ZBTB5: variants seen among roughly 807,000 people sequenced by gnomAD.
ZBTB5 encodes the protein zinc finger and BTB domain-containing protein 5.
In ZBTB5, 15 loss-of-function variants were observed where a neutral mutation model predicts 37.9. The observed-to-expected ratio is 0.40, with a 90% CI of 0.26 to 0.61. The LOEUF (loss-of-function observed/expected upper bound fraction) is 0.61. Among genes scored for constraint, ZBTB5 ranks in the 20% least tolerant of loss-of-function variants. ZBTB5 has a pLI of 0.47. For synonymous variants in ZBTB5, 315 were observed against 312.4 expected, an observed-to-expected ratio of 1.01 and a Z score of -0.09; for missense variants, 708 against 856.8, an observed-to-expected ratio of 0.83 and a Z score of 2.17.
At chr9:37,443,789 G>A (rs555011519) in intron 1 of ZBTB5, among the ~76,000 whole-genome samples, 40 of 152,082 alleles carry the variant, frequency 2.6e-4, no homozygotes, top group African/African-American at 6.8e-4. Context: ...AAAATTAGCC[G>A]GGCATGCTGG....
chr9:37,456,699 C>T (rs923077110), intron 1 of ZBTB5, among the ~76,000 whole-genome samples: 4 of 152,208 alleles, frequency 2.6e-5, no homozygotes, highest in East Asian at 3.8e-4. Context: ...AGTACAAGCT[C>T]AAATGCTTTT....
chr9:37,463,456 G>A (rs1241713542), intron 1 of ZBTB5, among the ~76,000 whole-genome samples: 1 of 152,024 alleles, frequency 6.6e-6, no homozygotes, highest in African/African-American at 2.4e-5. Flanking sequence ...CAATACCTTG[G>A]GTTCTTTTTT....
chr9:37,457,403 T>G (rs1201401648), intron 1 of ZBTB5, among the ~76,000 whole-genome samples: 6 of 152,168 alleles, frequency 3.9e-5, no homozygotes, highest in African/African-American at 1.4e-4. Flanking sequence ...AGCTAATTTT[T>G]TATTCTTTGT....
rs189447828 is a variant in ZBTB5 at position 37,441,609 on chromosome 9, G to T, written c.943C>A (p.Pro315Thr). ...TCCTTCTCACCAAGGCCAACCTCAG[G>T]GTTTTCACACTGAAAACTACTTTTC... Reference protein sequence around the residue: ...PEKSSFQCENPEVGLGEKEHM... With the variant: ...PEKSSFQCENTEVGLGEKEHM... The change falls in exon 2 of 2, where the codon CCT becomes ACT. Residue 315 changes from proline (P) to threonine (T), a missense_variant. By Grantham distance (38) the Pro-to-Thr change is conservative. Around this residue, in one of 3 missense-constraint regions of ZBTB5, gnomAD observed 639 missense variants for 690.5 expected, o/e 0.93. Transcript: ENST00000307750. 1.9e-6 allele frequency: 3 copies of T among 1,612,720 alleles called. No homozygotes were observed. Among genetic ancestry groups the T allele is most frequent in the Non-Finnish European group, 2.5e-6 (3 of 1,179,884 alleles).
intron 1 of ZBTB5, among the ~76,000 whole-genome samples, chr9:37,450,398 G>A (rs1824081523): frequency 6.6e-6 from 1 of 152,102 alleles, no homozygotes; most frequent in Non-Finnish European, 1.5e-5. Context: ...GCCCATACAG[G>A]TCACTGGACT....
chr9:37,440,994 C>T lies in ZBTB5; in HGVS notation c.1558G>A (p.Val520Ile), dbSNP rs1823859594. 6 of 1,614,062 alleles carry T rather than the reference C, an allele frequency of 3.7e-6. No individual in the cohort carries two copies. Among genetic ancestry groups the T allele is most frequent in the Non-Finnish European group, 5.1e-6 (6 of 1,180,044 alleles). The change falls in exon 2 of 2, where the codon GTA (valine) becomes ATA (isoleucine). Residue 520 changes from valine (V) to isoleucine (I), a missense_variant. By Grantham distance (29) the Val-to-Ile change is conservative (BLOSUM62 3). Transcript: ENST00000307750. Reference sequence around the variant, plus strand: ...CCTCCCCTTGGGGAACCTATCATTACCCTGGAGAAGGAGGAGTGGAGGCCC... The same window carrying T: ...CCTCCCCTTGGGGAACCTATCATTATCCTGGAGAAGGAGGAGTGGAGGCCC... The part of the protein sequence containing the change: ...GLGLHSSFSR[V>I]MIGSPRGGAS...
intron 1 of ZBTB5, among the ~76,000 whole-genome samples, chr9:37,464,867 C>A (rs575885608): frequency 5.9e-5 from 9 of 152,216 alleles, no homozygotes; most frequent in Non-Finnish European, 1.0e-4. Flanking sequence ...GACCACATCC[C>A]GCAGGGCAGC....
At chr9:37,447,076 T>C (rs1824004004) in intron 1 of ZBTB5, among the ~76,000 whole-genome samples, 1 of 152,216 alleles carries the variant, frequency 6.6e-6, no homozygotes, top group African/African-American at 2.4e-5. Context: ...TATAAAGAAA[T>C]ACCCAAGACT....
At chr9:37,451,395 T>C (rs1312123907) in intron 1 of ZBTB5, among the ~76,000 whole-genome samples, 3 of 151,858 alleles carry the variant, frequency 2.0e-5, no homozygotes, top group Admixed American at 2.0e-4. Flanking sequence ...GGCAAAACCC[T>C]GTCTCTACAA....
At chr9:37,453,314 T>C (rs778762846) in intron 1 of ZBTB5, among the ~76,000 whole-genome samples, 1 of 151,930 alleles carries the variant, frequency 6.6e-6, no homozygotes, top group Middle Eastern at 3.4e-3. Context: ...CAGCCTCCCG[T>C]TGGCTGGGAT....
chr9:37,442,635 T>C, intron 1 of ZBTB5, 80 bp from the exon 2 acceptor site: 1 of 1,168,240 alleles, frequency 8.6e-7, no homozygotes, highest in Non-Finnish European at 1.2e-6. Flanking sequence ...ATGAAAAGAG[T>C]GGAATGGATG....
chr9:37,449,645 G>C (rs1249330775), intron 1 of ZBTB5, among the ~76,000 whole-genome samples: 1 of 144,206 alleles, frequency 6.9e-6, no homozygotes, highest in African/African-American at 2.6e-5. Context: ...GTTGCAGTGA[G>C]CCAAGACTGT....
At chr9:37,461,709 G>A (rs1199410463) in intron 1 of ZBTB5, among the ~76,000 whole-genome samples, 5 of 152,014 alleles carry the variant, frequency 3.3e-5, no homozygotes, top group Non-Finnish European at 5.9e-5. Context: ...CTCAAGCCTG[G>A]GTGACAGAGT....
intron 1 of ZBTB5, among the ~76,000 whole-genome samples, chr9:37,452,327 C>A (rs1298557276): frequency 6.6e-6 from 1 of 152,134 alleles, no homozygotes; most frequent in Non-Finnish European, 1.5e-5. Context: ...AAAATGGGGT[C>A]ATGAGTTAAA....
chr9:37,441,358 T>A lies in ZBTB5; in HGVS notation c.1194A>T (p.Thr398=), dbSNP rs1262779862. 17 of 1,614,174 alleles carry A rather than the reference T, an allele frequency of 1.1e-5. No homozygotes were observed. The highest frequency in any genetic ancestry group is 1.7e-5 in the Admixed American group (1 of 60,014). ...RVGDIHILEV[T]NNLEHKSTFS... ...AAGTGGACTTATGCTCTAGGTTATTTGTGACTTCCAAAATATGGATATCAC... is the reference window on the plus strand; with the variant it reads ...AAGTGGACTTATGCTCTAGGTTATTAGTGACTTCCAAAATATGGATATCAC... Residue 398 remains threonine, a synonymous_variant, in exon 2 of 2, where the codon ACA becomes ACT. Transcript: ENST00000307750.
intron 1 of ZBTB5, among the ~76,000 whole-genome samples, chr9:37,450,787 C>G (rs965054838): frequency 2.6e-5 from 4 of 151,868 alleles, no homozygotes; most frequent in Non-Finnish European, 4.4e-5. Context: ...ATCGCTTGAA[C>G]CTGGGAGGCG....
chr9:37,449,030 G>A (rs1381623863), intron 1 of ZBTB5, among the ~76,000 whole-genome samples: 3 of 151,914 alleles, frequency 2.0e-5, no homozygotes, highest in African/African-American at 4.8e-5. Context: ...GTGACAGAGC[G>A]AGACTCCGTT....
In ZBTB5 at chr9:37,441,188, G is replaced by A. The variant is rs1305194268; in HGVS notation, c.1364C>T (p.Ala455Val). 1 of 1,614,032 alleles carries A rather than the reference G, an allele frequency of 6.2e-7. No individual in the cohort carries two copies. Among genetic ancestry groups the A allele is most frequent in the African/African-American group, 1.3e-5 (1 of 75,034 alleles). Residue 455 changes from alanine to valine, a missense_variant, in exon 2 of 2, where the codon GCA becomes GTA. By Grantham distance (64) the Ala-to-Val change is moderately conservative (BLOSUM62 0). Around this residue, in one of 3 missense-constraint regions of ZBTB5, gnomAD observed 639 missense variants for 690.5 expected, o/e 0.93. Coordinates refer to ENST00000307750, the MANE Select transcript of ZBTB5 (RefSeq NM_014872.3). ...PYLLSPEAGPAGGPSSAPGSH... is the reference protein window; with the variant it reads ...PYLLSPEAGPVGGPSSAPGSH... ...GCCAGGGGCAGAGGAGGGCCCACCT[G>A]CAGGCCCAGCCTCTGGACTCAACAA... is the stretch of plus-strand genomic sequence containing the variant.
intron 1 of ZBTB5, among the ~76,000 whole-genome samples, chr9:37,444,812 T>C (rs576792310): frequency 1.3e-5 from 2 of 152,108 alleles, no homozygotes; most frequent in East Asian, 1.9e-4. Context: ...ACTAAGATTG[T>C]AGGAAACAGG....
Sources: gnomAD v4.1 joint callset for allele counts (sites outside exome capture counted in the v4.1 genomes callset) on GRCh38, gnomAD v4.1.1 for gene constraint, gnomAD v4.1.1 regional missense constraint, MANE v1.5 for transcripts, NCBI Gene and HGNC (gene_info 2026-07-23, HGNC 2026-07-21) for gene names.